Variants in NSFL1C observed in about 807,000 individuals in gnomAD.
NSFL1C encodes NSFL1 cofactor p47.
NSFL1C carries 14 observed loss-of-function variants against 43.1 expected under a neutral mutation model. The observed-to-expected ratio is 0.32, with a 90% confidence interval of 0.21 to 0.51. The LOEUF (loss-of-function observed/expected upper bound fraction) is 0.51. Ranked by LOEUF, NSFL1C falls within the 20% of genes least tolerant of loss-of-function variation. NSFL1C has a pLI of 0.98. For missense variants in NSFL1C, 406 were observed against 472.5 expected, an observed-to-expected ratio of 0.86 and a Z score of 1.30; for synonymous variants, 171 against 183.5, an observed-to-expected ratio of 0.93 and a Z score of 0.55.
intron 4 of NSFL1C, among the ~76,000 whole-genome samples, chr20:1,454,756 A>T (rs2090260206): frequency 6.6e-6 from 1 of 152,358 alleles, no homozygotes; most frequent in African/African-American, 2.4e-5. Context: ...GCAGAACCCA[A>T]TCTAGACCAT....
intron 1 of NSFL1C, among the ~76,000 whole-genome samples, chr20:1,465,475 T>C (rs1405838812): frequency 6.6e-6 from 1 of 152,244 alleles, no homozygotes; most frequent in Non-Finnish European, 1.5e-5. Context: ...TGTGTGCTTT[T>C]AGGTCTTTCA....
chr20:1,463,452 G>C (rs1257146958), intron 2 of NSFL1C: 1 of 152,228 alleles, frequency 6.6e-6, no homozygotes, highest in Non-Finnish European at 1.5e-5. Context: ...CTGGATGGGA[G>C]TTAGGGAAAG....
chr20:1,465,969 T>C (rs2090501235), intron 1 of NSFL1C, among the ~76,000 whole-genome samples: 1 of 152,194 alleles, frequency 6.6e-6, no homozygotes, highest in Non-Finnish European at 1.5e-5. Context: ...CAATAAATAT[T>C]AGTCATCACC....
chr20:1,466,055 T>C (rs1321483518), intron 1 of NSFL1C, among the ~76,000 whole-genome samples: 3 of 152,324 alleles, frequency 2.0e-5, no homozygotes, highest in East Asian at 1.9e-4. Context: ...CGAATGCTTA[T>C]TATGTGCCAG....
rs557943992 is a variant in NSFL1C, at chr20:1,445,700, C to G, written c.916G>C (p.Gly306Arg). Residue 306 changes from glycine (G) to arginine (R), a missense_variant, in exon 8 of 9, where the codon GGG becomes CGG. Transcript: ENST00000216879. ...TNIQIRLADG[G>R]RLVQKFNHSH... ...TGGTTAAATTTCTGCACCAGCCTCC[C>G]GCCGTCTGCAAGCCGAATTTGGATG... is the stretch of plus-strand genomic sequence containing the variant. The G allele has an allele frequency of 6.2e-7, 1 of 1,613,332 alleles. No individual in the cohort carries two copies. Among genetic ancestry groups the G allele is most frequent in the African/African-American group, 1.3e-5 (1 of 74,836 alleles).
rs1266637561 is a variant in NSFL1C, at chr20:1,452,852, G to A, written c.647+179C>T. Among the ~76,000 whole-genome samples the A allele has an allele frequency of 2.6e-5, 4 of 152,324 alleles. No homozygotes were observed. In the East Asian group the frequency reaches 7.7e-4, roughly 29 times the overall value. ...ATTTGGCCACTTAGGTCTGCCTCAG[G>A]CCCAAAGGGGAAAAATGGACATACA... On this transcript the variant is annotated intron_variant, in intron 6 of 8. Coordinates refer to ENST00000216879, the MANE Select transcript of NSFL1C (RefSeq NM_016143.5).
chr20:1,450,651 G>T (rs944937150), intron 7 of NSFL1C, among the ~76,000 whole-genome samples: 2 of 152,120 alleles, frequency 1.3e-5, no homozygotes, highest in Non-Finnish European at 2.9e-5. Flanking sequence ...TGTAACTGGT[G>T]GTGGGCATAA....
intron 2 of NSFL1C, among the ~76,000 whole-genome samples, chr20:1,459,703 T>G (rs953897745): frequency 5.9e-5 from 9 of 152,198 alleles, no homozygotes; most frequent in Admixed American, 2.6e-4. Context: ...AGTTGGCTCC[T>G]GAGAACAGTC....
At chr20:1,452,928 C>T (rs1167055897) in intron 6 of NSFL1C, 103 bp downstream of exon 6, 1 of 775,234 alleles carries the variant, frequency 1.3e-6, no homozygotes, top group African/African-American at 1.7e-5. Flanking sequence ...GCTGAATCTG[C>T]TTCAAACAAT....
rs551497247 is a variant in NSFL1C, at chr20:1,461,193, T to A, written c.204-2919A>T. Among the ~76,000 whole-genome samples the A allele has an allele frequency of 3.9e-5, 6 of 152,276 alleles. No homozygotes were observed. The South Asian group carries it at 1.2e-3, about 32-fold the overall frequency. ...CGTCCCACTTCCAGGAATTTACAATTTACTTGGGGAGAAAAATTAAGTTAA... is the reference window on the plus strand; with the variant it reads ...CGTCCCACTTCCAGGAATTTACAATATACTTGGGGAGAAAAATTAAGTTAA... On this transcript the variant is annotated intron_variant, in intron 2 of 8. Transcript: ENST00000216879.
rs533954618 is a variant in NSFL1C, at chr20:1,454,396, G to C, written c.445-91C>G. 12 of 884,684 alleles carry C rather than the reference G, an allele frequency of 1.4e-5. No homozygotes were observed. The East Asian group carries it at 3.0e-4, about 22-fold the overall frequency. 54.8% of individuals were successfully genotyped at this position (884,684 alleles called of 1,614,324 possible). A position where few individuals can be genotyped will look rare whatever the true frequency, so the allele number is the denominator to read the frequency against. On this transcript the variant is annotated intron_variant, in intron 4 of 8. Coordinates refer to ENST00000216879, the MANE Select transcript of NSFL1C (RefSeq NM_016143.5). ...ATGATATATATATCTTAGGTAAGAGGAAGAAAGAGGACAGGGTTCCTGATC... is the reference window on the plus strand; with the variant it reads ...ATGATATATATATCTTAGGTAAGAGCAAGAAAGAGGACAGGGTTCCTGATC...
chr20:1,452,611 G>A lies in NSFL1C; in HGVS notation c.667C>T (p.Arg223Trp), dbSNP rs762730625. The change falls in exon 7 of 9, where the codon CGG becomes TGG. Residue 223 changes from arginine to tryptophan, a missense_variant. By Grantham distance (101) the Arg-to-Trp change is moderately radical. This residue lies in a region of NSFL1C where 196 missense variants were observed against 228.0 expected (regional missense o/e 0.86). Transcript: ENST00000216879. Reference protein sequence around the residue: ...IRRGEVPAELRRLAHGGQVNL... With the variant: ...IRRGEVPAELWRLAHGGQVNL... Reference sequence around the variant, plus strand: ...ACCTGTCCACCGTGAGCTAGCCTCCGAAGCTCTGCTGGCACCTCCCTGTGG... The same window carrying A: ...ACCTGTCCACCGTGAGCTAGCCTCCAAAGCTCTGCTGGCACCTCCCTGTGG... 1.1e-5 allele frequency: 18 copies of A among 1,614,054 alleles called. No homozygotes were observed. Among genetic ancestry groups the A allele is most frequent in the Non-Finnish European group, 1.4e-5 (16 of 1,180,044 alleles).
At chr20:1,466,269 T>C (rs925733950) in intron 1 of NSFL1C, among the ~76,000 whole-genome samples, 1 of 152,180 alleles carries the variant, frequency 6.6e-6, no homozygotes, top group Non-Finnish European at 1.5e-5. Flanking sequence ...AGAGGTATTC[T>C]CCCAGCAATT....
chr20:1,464,675 C>T (rs2090475246), intron 1 of NSFL1C, among the ~76,000 whole-genome samples: 1 of 152,204 alleles, frequency 6.6e-6, no homozygotes, highest in Non-Finnish European at 1.5e-5. Context: ...TCTTTATTCT[C>T]ATTTTATGAA....
In NSFL1C at chr20:1,442,196, G is replaced by A. The variant is rs1338151926; in HGVS notation, c.*1553C>T. On this transcript the variant is annotated 3_prime_UTR_variant, in exon 9 of 9. Transcript: ENST00000216879. Reference sequence around the variant, plus strand: ...CTCATTCTGGTTTTTAATGGTCAAGGTGACAACAGTGTACAGTTTTTCCAG... The same window carrying A: ...CTCATTCTGGTTTTTAATGGTCAAGATGACAACAGTGTACAGTTTTTCCAG... 6.6e-6 allele frequency: 1 copy of A among 152,222 alleles called. No homozygotes were observed. The highest frequency in any genetic ancestry group is 1.5e-5 in the Non-Finnish European group (1 of 68,040). 9.4% of individuals were successfully genotyped at this position (152,222 alleles called of 1,614,324 possible). A position where few individuals can be genotyped will look rare whatever the true frequency, so the allele number is the denominator to read the frequency against.
Position 1,455,152 on chromosome 20 carries a change from C to A in NSFL1C, c.279-20G>T. 1 of 1,613,978 alleles carries A rather than the reference C, an allele frequency of 6.2e-7. No individual in the cohort carries two copies. Among genetic ancestry groups the A allele is most frequent in the South Asian group, 1.1e-5 (1 of 91,084 alleles). ...TAAAACCTGTGTACAAAATACACCT[C>A]TAACATGAAACACTCATGGAAAACA... On this transcript the variant is annotated intron_variant, in intron 3 of 8. Coordinates refer to ENST00000216879, the MANE Select transcript of NSFL1C (RefSeq NM_016143.5).
In NSFL1C at chr20:1,442,847, T is replaced by C. The variant is rs1248303785; in HGVS notation, c.*902A>G. 2.6e-5 allele frequency: 4 copies of C among 152,182 alleles called. No individual in the cohort carries two copies. The highest frequency in any genetic ancestry group is 4.4e-5 in the Non-Finnish European group (3 of 68,042). 9.4% of individuals were successfully genotyped at this position (152,182 alleles called of 1,614,324 possible). On this transcript the variant is annotated 3_prime_UTR_variant, in exon 9 of 9. Transcript: ENST00000216879. ...AACAGTTGATTTGATTTGCCACACA[T>C]CACTAGTGAACAGCTCGGTGGCATT...
chr20:1,462,615 G>A (rs940183424), intron 2 of NSFL1C, among the ~76,000 whole-genome samples: 5 of 151,380 alleles, frequency 3.3e-5, no homozygotes, highest in African/African-American at 1.2e-4. Flanking sequence ...TCCGCCCCCC[G>A]GGTTCACGCC....
intron 7 of NSFL1C, among the ~76,000 whole-genome samples, chr20:1,446,492 G>A (rs886410515): frequency 6.6e-6 from 1 of 152,192 alleles, no homozygotes; most frequent in Admixed American, 6.5e-5. Context: ...CACGGTGTCA[G>A]ACACAGTGTT....
Sources: gnomAD v4.1 joint callset for allele counts (sites outside exome capture counted in the v4.1 genomes callset) on GRCh38, gnomAD v4.1.1 for gene constraint, gnomAD v4.1.1 regional missense constraint, MANE v1.5 for transcripts, NCBI Gene and HGNC (gene_info 2026-07-23, HGNC 2026-07-21) for gene names.